JAKMIP3: variants seen among roughly 807,000 people sequenced by gnomAD.
The protein encoded by JAKMIP3 is janus kinase and microtubule-interacting protein 3.
In JAKMIP3, 58 loss-of-function variants were observed where a neutral mutation model predicts 118.5. The ratio of observed to expected loss-of-function variants is 0.49; its 90% CI spans 0.40 to 0.61. The LOEUF (loss-of-function observed/expected upper bound fraction) is 0.61. Ranked by LOEUF, JAKMIP3 falls within the 20% of genes least tolerant of loss-of-function variation. The pLI, the probability that JAKMIP3 is intolerant of heterozygous loss-of-function variation, is 0.00. For missense variants in JAKMIP3, 950 were observed against 1,109.0 expected (o/e 0.86, Z 2.04); for synonymous variants, 486 against 451.2 (o/e 1.08, Z -0.98).
chr10:132,074,651 C>T (rs572014444), intron 1 of JAKMIP3, among the ~76,000 whole-genome samples: 21 of 152,222 alleles, frequency 1.4e-4, no homozygotes, highest in South Asian at 8.3e-4. Flanking sequence ...CTCTGTCAAT[C>T]GTTTCTTTTG....
In JAKMIP3 at chr10:132,183,580, TTA is replaced by T. The variant is rs2061644108; in HGVS notation, c.*2331_*2332del. The stretch of plus-strand genomic sequence containing the variant: ...CAAATCCTTATGAAGTTGTAATTGT[TTA>T]TATGTAAAAAGTATGTATATAGGAA... On this transcript the variant is annotated 3_prime_UTR_variant, in exon 24 of 24. Transcript: ENST00000684848. 6.6e-6 allele frequency: 1 copy of T among 152,234 alleles called. No homozygotes were observed. Among genetic ancestry groups the T allele is most frequent in the Non-Finnish European group, 1.5e-5 (1 of 68,048 alleles). The allele number at this position is 152,234 out of a possible 1,614,324, so 9.4% of individuals were successfully genotyped here. A position where few individuals can be genotyped will look rare whatever the true frequency, so the allele number is the denominator to read the frequency against.
chr10:132,104,639 G>A (rs1191906672), intron 1 of JAKMIP3, 33 bp from the exon 2 acceptor site: 20 of 678,258 alleles, frequency 2.9e-5, no homozygotes, highest in Non-Finnish European at 4.9e-5. Context: ...GCTCCGGAGG[G>A]AGCTGCTCAC....
chr10:132,167,436 G>A (rs1022372828), intron 22 of JAKMIP3, among the ~76,000 whole-genome samples: 4 of 152,154 alleles, frequency 2.6e-5, no homozygotes, highest in African/African-American at 9.7e-5. Flanking sequence ...ATTCGTCCTT[G>A]TTCTTTTCTG....
chr10:132,173,035 C>A (rs1470597725), intron 23 of JAKMIP3, among the ~76,000 whole-genome samples: 1 of 20,296 alleles, frequency 4.9e-5, no homozygotes. Context: ...CTCCTTCCCT[C>A]TCTCTCTCCC....
At position 132,179,756 on chromosome 10, in the gene JAKMIP3, G is replaced by A. The variant is rs1405213907; in HGVS notation, c.*1104-2601G>A. On this transcript the variant is annotated intron_variant, in intron 23 of 23. Transcript: ENST00000684848. The surrounding 1 kb of genome is among the most constrained non-coding windows in gnomAD (Gnocchi z 4.3). ...CACAGCAGGGTCACGCCACGGCAGG[G>A]TCACACCACAACAGCCACACCATGG... Among the ~76,000 whole-genome samples, 1 of 148,126 alleles carries A rather than the reference G, an allele frequency of 6.8e-6. No homozygotes were observed. Among genetic ancestry groups the A allele is most frequent in the African/African-American group, 2.7e-5 (1 of 37,668 alleles).
chr10:132,134,936 G>C (rs528247066), intron 4 of JAKMIP3, 105 bp from the exon 5 acceptor site: 1 of 1,382,248 alleles, frequency 7.2e-7, no homozygotes, highest in African/African-American at 1.4e-5. Flanking sequence ...AGGTAAAGGC[G>C]CGCGTCCCAC....
Position 132,117,206 on chromosome 10 carries a change from G to A in JAKMIP3, c.265G>A (p.Ala89Thr). The change falls in exon 3 of 24, where the codon GCT (alanine) becomes ACT (threonine). Residue 89 changes from alanine (A) to threonine (T), a missense_variant. Ala to Thr is a moderately conservative substitution (Grantham distance 58). Transcript: ENST00000684848. The surrounding 1 kb of genome is among the most constrained non-coding windows in gnomAD (Gnocchi z 8.6). Reference protein sequence around the residue: ...LHEEKMKELQAVRETLLRQHE... With the variant: ...LHEEKMKELQTVRETLLRQHE... ...CGAGGAGAAGATGAAGGAGCTACAG[G>A]CTGTGCGTGAGACGCTGCTGCGGCA... 1 of 1,614,008 alleles carries A rather than the reference G, an allele frequency of 6.2e-7. No homozygotes were observed. Among genetic ancestry groups the A allele is most frequent in the East Asian group, 2.2e-5 (1 of 44,886 alleles).
intron 1 of JAKMIP3, among the ~76,000 whole-genome samples, chr10:132,052,280 A>C (rs2038124827): frequency 6.6e-6 from 1 of 152,212 alleles, no homozygotes; most frequent in Admixed American, 6.5e-5. Context: ...CATTGTCCCT[A>C]TAAGAAGTCA....
At position 132,117,228 on chromosome 10, in the gene JAKMIP3, G is replaced by A. The variant is rs1280219496; in HGVS notation, c.287G>A (p.Arg96Gln). 1.2e-5 allele frequency: 19 copies of A among 1,613,768 alleles called. No individual in the cohort carries two copies. The Middle Eastern group carries it at 9.9e-4, about 84-fold the overall frequency. Reference sequence around the variant, plus strand: ...CAGGCTGTGCGTGAGACGCTGCTGCGGCAGCATGAGGCTGAGCTGCTCAGG... The same window carrying A: ...CAGGCTGTGCGTGAGACGCTGCTGCAGCAGCATGAGGCTGAGCTGCTCAGG... The part of the protein sequence containing the change: ...ELQAVRETLL[R>Q]QHEAELLRVI... The change falls in exon 3 of 24, where the codon CGG (arginine) becomes CAG (glutamine). Residue 96 changes from arginine to glutamine, a missense_variant. Coordinates refer to ENST00000684848, the MANE Select transcript of JAKMIP3 (RefSeq NM_001323087.2). This position sits in a 1 kb window ranked among gnomAD's most constrained non-coding sequence, Gnocchi z 8.6.
chr10:132,142,374 C>T (rs2053692568), intron 11 of JAKMIP3, among the ~76,000 whole-genome samples: 1 of 152,208 alleles, frequency 6.6e-6, no homozygotes, highest in Admixed American at 6.5e-5. Context: ...ACCACCTCTT[C>T]CACTCTTGGC....
rs1433819068 is a variant in JAKMIP3, at chr10:132,118,806, A to T, written c.633+1232A>T. 3.3e-5 allele frequency among the ~76,000 whole-genome samples: 5 copies of T among 152,172 alleles called. No homozygotes were observed. The highest frequency in any genetic ancestry group is 1.2e-4 in the African/African-American group (5 of 41,432). Reference sequence around the variant, plus strand: ...CTTAGCAACCCAAGGACCCGGCCCAAACCAGCACTCATAAGAACCGGGTGC... The same window carrying T: ...CTTAGCAACCCAAGGACCCGGCCCATACCAGCACTCATAAGAACCGGGTGC... On this transcript the variant is annotated intron_variant, in intron 3 of 23. Coordinates refer to ENST00000684848, the MANE Select transcript of JAKMIP3 (RefSeq NM_001323087.2). The surrounding 1 kb of genome is among the most constrained non-coding windows in gnomAD (Gnocchi z 4.8).
chr10:132,043,749 C>T (rs1275695574), intron 1 of JAKMIP3, among the ~76,000 whole-genome samples: 1 of 152,182 alleles, frequency 6.6e-6, no homozygotes, highest in African/African-American at 2.4e-5. Context: ...CCAGCCCTGG[C>T]TCTTCATCAG....
chr10:132,172,837 G>T (rs2059634021), intron 23 of JAKMIP3, among the ~76,000 whole-genome samples: 1 of 151,694 alleles, frequency 6.6e-6, no homozygotes, highest in African/African-American at 2.4e-5. Flanking sequence ...TGTGCTTGTT[G>T]CTACTGGGGT....
chr10:132,050,199 C>T (rs188294775), intron 1 of JAKMIP3, among the ~76,000 whole-genome samples: 170 of 152,308 alleles, frequency 1.1e-3, no homozygotes, highest in Non-Finnish European at 2.0e-3. Context: ...CTCTCTGAGC[C>T]GGGTTTGCCT....
At position 132,128,426 on chromosome 10, in the gene JAKMIP3, C is replaced by A. The variant is rs968396267; in HGVS notation, c.634-4886C>A. On this transcript the variant is annotated intron_variant, in intron 3 of 23. Coordinates refer to ENST00000684848, the MANE Select transcript of JAKMIP3 (RefSeq NM_001323087.2). ...AAAATACTGCTTGGAGACAGCTGAGCTTCTTGAATCTGAAGGGATGTCTTT... is the reference window on the plus strand; with the variant it reads ...AAAATACTGCTTGGAGACAGCTGAGATTCTTGAATCTGAAGGGATGTCTTT... Among the ~76,000 whole-genome samples the A allele has an allele frequency of 2.0e-5, 3 of 152,160 alleles. No homozygotes were observed. The East Asian group carries it at 5.8e-4, about 29-fold the overall frequency.
chr10:132,171,487 G>A (rs1409012642), intron 23 of JAKMIP3, among the ~76,000 whole-genome samples: 3 of 152,158 alleles, frequency 2.0e-5, no homozygotes, highest in Non-Finnish European at 2.9e-5. Context: ...GACGCGAGAC[G>A]TTACTGTGCT....
chr10:132,133,790 G>C (rs964389203), intron 4 of JAKMIP3, among the ~76,000 whole-genome samples: 1 of 152,176 alleles, frequency 6.6e-6, no homozygotes, highest in African/African-American at 2.4e-5. Context: ...GTGGGCCCCG[G>C]CCTCATCACC....
chr10:132,134,056 C>T (rs774796581), intron 4 of JAKMIP3, among the ~76,000 whole-genome samples: 9 of 152,376 alleles, frequency 5.9e-5, no homozygotes, highest in Non-Finnish European at 1.0e-4. Flanking sequence ...CTCCCTGGGC[C>T]GCTCTGTCGT....
chr10:132,048,752 T>TCAGCC (rs2038010270), intron 1 of JAKMIP3, among the ~76,000 whole-genome samples: 1 of 148,758 alleles, frequency 6.7e-6, no homozygotes, highest in South Asian at 2.2e-4. Flanking sequence ...TTCTCCTGGC[T>TCAGCC]CAGCCTCCTG....
Sources: allele counts gnomAD v4.1 joint callset (sites outside exome capture counted in the v4.1 genomes callset), GRCh38; gene constraint gnomAD v4.1.1; non-coding constraint Gnocchi (gnomAD v3.1); transcripts MANE v1.5; gene names NCBI Gene and HGNC (gene_info 2026-07-23, HGNC 2026-07-21).